Variants in ATP5F1C observed in about 807,000 individuals in gnomAD.
The protein encoded by ATP5F1C is ATP synthase F1 subunit gamma.
Under a neutral mutation model 37.4 loss-of-function variants are expected in ATP5F1C, and 22 were observed. The ratio of observed to expected loss-of-function variants is 0.59; its 90% CI spans 0.42 to 0.84. The LOEUF is 0.84. Among genes scored for constraint, ATP5F1C ranks in the 40% least tolerant of loss-of-function variants. The pLI, the probability that ATP5F1C is intolerant of heterozygous loss-of-function variation, is 0.00. For synonymous variants in ATP5F1C, 121 were observed against 128.0 expected (o/e 0.95, Z 0.37); for missense variants, 286 against 362.4 (o/e 0.79, Z 1.71).
At position 7,797,128 on chromosome 10, in the gene ATP5F1C, G is replaced by A. The variant is rs1474721675; in HGVS notation, c.173G>A (p.Arg58Gln). 6.2e-7 allele frequency: 1 copy of A among 1,614,134 alleles called. No homozygotes were observed. The highest frequency in any genetic ancestry group is 1.1e-5 in the South Asian group (1 of 91,076). The change falls in exon 3 of 10, where the codon CGA becomes CAA. Residue 58 changes from arginine to glutamine, a missense_variant. Transcript: ENST00000356708. ...ATGGTAGCGGCAGCAAAATATGCCC[G>A]AGCTGAGAGAGAGCTGAAACCAGCT... ...MKMVAAAKYARAERELKPARI... is the reference protein window; with the variant it reads ...MKMVAAAKYAQAERELKPARI...
At chr10:7,806,854 A>G in intron 8 of ATP5F1C, 120 bp from the exon 9 acceptor site, 1 of 756,860 alleles carries the variant, frequency 1.3e-6, no homozygotes, top group Non-Finnish European at 2.3e-6. Flanking sequence ...TGATGTACTC[A>G]AGGTATCAAG....
At chr10:7,804,420 C>G (rs1836434308) in intron 8 of ATP5F1C, among the ~76,000 whole-genome samples, 1 of 152,212 alleles carries the variant, frequency 6.6e-6, no homozygotes. Context: ...TCCAGATCTA[C>G]AGATTCGTCA....
intron 6 of ATP5F1C, 106 bp downstream of exon 6, chr10:7,800,197 T>A: frequency 8.6e-7 from 1 of 1,169,570 alleles, no homozygotes; most frequent in South Asian, 1.3e-5. Context: ...TAGCAAATGA[T>A]TTGGGGCTGT....
At chr10:7,789,279 G>T (rs775174935) in intron 1 of ATP5F1C, among the ~76,000 whole-genome samples, 3 of 152,126 alleles carry the variant, frequency 2.0e-5, no homozygotes, top group Non-Finnish European at 4.4e-5. Context: ...TGCTAAACTA[G>T]ATTTTCGTAT....
intron 3 of ATP5F1C, among the ~76,000 whole-genome samples, chr10:7,797,932 T>TACAAACAAATTTATA (rs1836272803): frequency 1.3e-5 from 2 of 152,144 alleles, no homozygotes; most frequent in Non-Finnish European, 2.9e-5. Flanking sequence ...GCTTTTATAC[T>TACAAACAAATTTATA]TGTTTGATTA....
intron 9 of ATP5F1C, 53 bp from the exon 10 acceptor site, chr10:7,807,606 T>A (rs751141179): frequency 6.3e-7 from 1 of 1,577,104 alleles, no homozygotes; most frequent in Non-Finnish European, 8.7e-7. Context: ...TTGACATTAT[T>A]TTCCCAAAAA....
chr10:7,799,465 A>T (rs1379342727), intron 4 of ATP5F1C: 1 of 557,032 alleles, frequency 1.8e-6, no homozygotes, highest in Non-Finnish European at 3.2e-6. Flanking sequence ...AGCTATCAGC[A>T]TTAAGCCAAA....
chr10:7,788,560 G>A (rs755202270), intron 1 of ATP5F1C, among the ~76,000 whole-genome samples: 12 of 152,344 alleles, frequency 7.9e-5, no homozygotes, highest in Non-Finnish European at 1.3e-4. Flanking sequence ...GGGCGGTCTT[G>A]AGTTCCCTCA....
At chr10:7,800,236 C>A in intron 6 of ATP5F1C, 145 bp downstream of exon 6, 1 of 875,302 alleles carries the variant, frequency 1.1e-6, no homozygotes. Flanking sequence ...CTTGCTGCCT[C>A]CCAGGCTGGA....
Position 7,807,674 on chromosome 10 carries a change from T to G in ATP5F1C, c.*46T>G. ...TGTTTTTCAGGTAAAGAAGGAAAAT[T>G]CAGCCAGTTGATTTTGTTTTTAGCT... On this transcript the variant is annotated 3_prime_UTR_variant, in exon 10 of 10. Transcript: ENST00000356708. The G allele has an allele frequency of 6.2e-7, 1 of 1,607,502 alleles. No homozygotes were observed. Among genetic ancestry groups the G allele is most frequent in the Admixed American group, 1.7e-5 (1 of 59,512 alleles).
At position 7,807,714 on chromosome 10, in the gene ATP5F1C, T is replaced by C; in HGVS notation, c.*86T>C. 2 of 1,590,880 alleles carry C rather than the reference T, an allele frequency of 1.3e-6. No individual in the cohort carries two copies. The highest frequency in any genetic ancestry group is 2.3e-5 in the South Asian group (2 of 87,246). On this transcript the variant is annotated 3_prime_UTR_variant, in exon 10 of 10. Transcript: ENST00000356708. ...TGTTTTTAGCTTACTGCTGCCTTTGTCCGAAGAAACTGTTCCTCCATTATT... is the reference window on the plus strand; with the variant it reads ...TGTTTTTAGCTTACTGCTGCCTTTGCCCGAAGAAACTGTTCCTCCATTATT...
At chr10:7,805,738 C>T (rs112605338) in intron 8 of ATP5F1C, among the ~76,000 whole-genome samples, 17,628 of 109,702 alleles carry the variant, frequency 0.16, 1,277 homozygotes, top group South Asian at 0.27. Flanking sequence ...AAGAGCAAGA[C>T]TCCTTCTCAA....
intron 1 of ATP5F1C, among the ~76,000 whole-genome samples, chr10:7,795,729 C>CT (rs1836227013): frequency 6.6e-6 from 1 of 152,148 alleles, no homozygotes; most frequent in South Asian, 2.1e-4. Flanking sequence ...GAAGAGGTTG[C>CT]TGTGAACTAA....
At chr10:7,799,419 TC>T (rs1202726336) in intron 4 of ATP5F1C, 1 of 568,296 alleles carries the variant, frequency 1.8e-6, no homozygotes, top group Non-Finnish European at 3.1e-6. Flanking sequence ...TGCTTCTTCA[TC>T]CGGATCATAA....
At chr10:7,794,564 T>C (rs571564774) in intron 1 of ATP5F1C, among the ~76,000 whole-genome samples, 1 of 151,872 alleles carries the variant, frequency 6.6e-6, no homozygotes, top group Admixed American at 6.6e-5. Context: ...GACTTTTTCA[T>C]GACTGGGTGT....
At chr10:7,806,727 G>A (rs1392995520) in intron 8 of ATP5F1C, among the ~76,000 whole-genome samples, 1 of 151,432 alleles carries the variant, frequency 6.6e-6, no homozygotes, top group Non-Finnish European at 1.5e-5. Flanking sequence ...CATATTCATA[G>A]TCTTGCCTAC....
rs141091648 is a variant in ATP5F1C, at chr10:7,799,622, G to A, written c.429-150G>A. 3.4e-4 allele frequency: 275 copies of A among 802,454 alleles called. 2 individuals are homozygous for A. The East Asian group carries it at 7.2e-3, about 21-fold the overall frequency. The allele number at this position is 802,454 out of a possible 1,614,324, so 49.7% of individuals were successfully genotyped here. On this transcript the variant is annotated intron_variant, in intron 4 of 9. Coordinates refer to ENST00000356708, the MANE Select transcript of ATP5F1C (RefSeq NM_001001973.3). ...GCAGGTGCTGAAGGAAAGGAATGAT[G>A]ATAGTGTGTGGAACAACTCAGGAAA...
At chr10:7,789,529 C>T (rs1836124466) in intron 1 of ATP5F1C, among the ~76,000 whole-genome samples, 1 of 152,110 alleles carries the variant, frequency 6.6e-6, no homozygotes, top group African/African-American at 2.4e-5. Context: ...GATTGTCCCA[C>T]TTGTTAACCA....
intron 4 of ATP5F1C, 123 bp from the exon 5 acceptor site, chr10:7,799,649 C>G: frequency 2.7e-6 from 3 of 1,116,188 alleles, no homozygotes; most frequent in Non-Finnish European, 3.8e-6. Context: ...CTCAGGAAAT[C>G]ACCACCACCC....
Sources: gnomAD v4.1 joint callset for allele counts (sites outside exome capture counted in the v4.1 genomes callset) on GRCh38, gnomAD v4.1.1 for gene constraint, MANE v1.5 for transcripts, NCBI Gene and HGNC (gene_info 2026-07-23, HGNC 2026-07-21) for gene names.